The following ANKIB1 variants were observed in gnomAD, a reference collection of about 807,000 sequenced individuals.
ANKIB1 encodes ankyrin repeat and IBR domain containing 1.
In ANKIB1, 43 loss-of-function variants were observed where a neutral mutation model predicts 122.1. The observed-to-expected ratio is 0.35, with a 90% CI of 0.28 to 0.45. The LOEUF is 0.45. Ranked by LOEUF, ANKIB1 falls within the 20% of genes least tolerant of loss-of-function variation. The probability of loss-of-function intolerance (pLI) is 1.00; values close to 1 mark genes in which losing one functional copy is unlikely to be tolerated. For synonymous variants in ANKIB1, 390 were observed against 442.0 expected (o/e 0.88, Z 1.48); for missense variants, 992 against 1,329.5 (o/e 0.75, Z 3.95).
In ANKIB1 at chr7:92,284,257, G is replaced by A. The variant is rs375874783; in HGVS notation, c.-90-10632G>A. On this transcript the variant is annotated intron_variant, in intron 1 of 19. Coordinates refer to ENST00000265742, the MANE Select transcript of ANKIB1 (RefSeq NM_019004.2). ...TTAGTAATAGGATGAAGATAATGAG[G>A]CATGTACTGGGGAGTCAGGGCACAT... 2.6e-5 allele frequency among the ~76,000 whole-genome samples: 4 copies of A among 152,254 alleles called. 1 individual carries two copies. The highest frequency in any genetic ancestry group is 6.5e-5 in the Admixed American group (1 of 15,294).
intron 10 of ANKIB1, among the ~76,000 whole-genome samples, chr7:92,364,247 A>C (rs1380639438): frequency 2.3e-5 from 3 of 129,838 alleles, no homozygotes; most frequent in African/African-American, 8.6e-5. Context: ...CAGGAGGTGG[A>C]GGTTGCATTG....
At chr7:92,392,346 T>C (rs1226306132) in intron 17 of ANKIB1, 54 bp downstream of exon 17, 13 of 1,432,996 alleles carry the variant, frequency 9.1e-6, no homozygotes, top group African/African-American at 1.4e-5. Context: ...GCAGTCGTGC[T>C]TGCATTTGCA....
In ANKIB1 at chr7:92,398,172, C is replaced by G. The variant is rs1188377823; in HGVS notation, c.2533-40C>G. 5.2e-6 allele frequency: 8 copies of G among 1,523,824 alleles called. No individual in the cohort carries two copies. In the African/African-American group the frequency reaches 5.6e-5, roughly 11 times the overall value. The allele number at this position is 1,523,824 out of a possible 1,614,324, so 94.4% of individuals were successfully genotyped here. A position where few individuals can be genotyped will look rare whatever the true frequency, so the allele number is the denominator to read the frequency against. ...CTGATTGAGTTAAATCAGTTTTTTT[C>G]AGTCAAATTTTAAAGTGGTTTTGCT... On this transcript the variant is annotated intron_variant, in intron 19 of 19. Transcript: ENST00000265742.
chr7:92,318,544 T>C (rs1419156248), intron 3 of ANKIB1, among the ~76,000 whole-genome samples: 4 of 152,130 alleles, frequency 2.6e-5, no homozygotes, highest in Non-Finnish European at 5.9e-5. Flanking sequence ...ACTGTCAGGC[T>C]GTCCATTAGA....
At chr7:92,249,632 A>G (rs1182819918) in intron 1 of ANKIB1, among the ~76,000 whole-genome samples, 1 of 152,046 alleles carries the variant, frequency 6.6e-6, no homozygotes, top group Non-Finnish European at 1.5e-5. Context: ...AGGCAGGAGA[A>G]TCACTTTAAC....
chr7:92,293,736 C>G (rs1802295849), intron 1 of ANKIB1, among the ~76,000 whole-genome samples: 1 of 152,146 alleles, frequency 6.6e-6, no homozygotes, highest in African/African-American at 2.4e-5. Flanking sequence ...TCTTTTATCT[C>G]TTGTTAATCT....
At position 92,345,089 on chromosome 7, in the gene ANKIB1, A is replaced by G. The variant is rs374850781; in HGVS notation, c.1085+23A>G. On this transcript the variant is annotated intron_variant, in intron 7 of 19. Transcript: ENST00000265742. ...GTCGTGAGTATATGAGCACCTTAGC[A>G]TCTCTTACTGCATGATAGCACTCTG... is the stretch of plus-strand genomic sequence containing the variant. 9 of 1,498,206 alleles carry G rather than the reference A, an allele frequency of 6.0e-6. No individual in the cohort carries two copies. The African/African-American group carries it at 6.9e-5, about 12-fold the overall frequency. 92.8% of individuals were successfully genotyped at this position (1,498,206 alleles called of 1,614,324 possible).
At chr7:92,342,851 A>G (rs997201802) in intron 5 of ANKIB1, among the ~76,000 whole-genome samples, 173 bp from the exon 6 acceptor site, 17 of 152,246 alleles carry the variant, frequency 1.1e-4, no homozygotes, top group African/African-American at 4.1e-4. Flanking sequence ...AATTTTGTGT[A>G]AAAACGCTAA....
chr7:92,331,817 A>G (rs1562784370), intron 5 of ANKIB1, among the ~76,000 whole-genome samples: 1 of 152,216 alleles, frequency 6.6e-6, no homozygotes, highest in Admixed American at 6.5e-5. Flanking sequence ...TCTACACTAC[A>G]GCATTTTTGT....
intron 4 of ANKIB1, among the ~76,000 whole-genome samples, chr7:92,324,511 G>C (rs1031147621): frequency 6.6e-6 from 1 of 152,204 alleles, no homozygotes; most frequent in African/African-American, 2.4e-5. Context: ...TGGGATTACA[G>C]GCGTGAGCCA....
chr7:92,392,411 T>C lies in ANKIB1; in HGVS notation c.2283+119T>C. ...TATCAGCAGTGCTGTCTCTTTCTTTTGTAACAAAAATGCCTTGACAGAGCC... is the reference window on the plus strand; with the variant it reads ...TATCAGCAGTGCTGTCTCTTTCTTTCGTAACAAAAATGCCTTGACAGAGCC... On this transcript the variant is annotated intron_variant, in intron 17 of 19. Transcript: ENST00000265742. 3 of 850,930 alleles carry C rather than the reference T, an allele frequency of 3.5e-6. No homozygotes were observed. The East Asian group carries it at 8.0e-5, about 23-fold the overall frequency. The allele number at this position is 850,930 out of a possible 1,614,324, so 52.7% of individuals were successfully genotyped here.
At chr7:92,374,981 G>A (rs1334240880) in intron 11 of ANKIB1, among the ~76,000 whole-genome samples, 1 of 150,132 alleles carries the variant, frequency 6.7e-6, no homozygotes, top group Non-Finnish European at 1.5e-5. Context: ...GACCACTGCA[G>A]TGAAGCAGAT....
intron 17 of ANKIB1, among the ~76,000 whole-genome samples, chr7:92,393,813 A>G (rs1471441766): frequency 1.3e-5 from 2 of 152,188 alleles, no homozygotes; most frequent in African/African-American, 4.8e-5. Context: ...GAATTACTGC[A>G]CATTGTGAGA....
At chr7:92,374,916 T>C (rs1314714515) in intron 11 of ANKIB1, among the ~76,000 whole-genome samples, 2 of 151,532 alleles carry the variant, frequency 1.3e-5, no homozygotes, top group African/African-American at 4.9e-5. Context: ...AAAGACACAA[T>C]ATGAAGAATA....
intron 10 of ANKIB1, among the ~76,000 whole-genome samples, chr7:92,367,880 G>C (rs535144977): frequency 6.6e-6 from 1 of 152,118 alleles, no homozygotes; most frequent in Admixed American, 6.5e-5. Flanking sequence ...CTTTGACTAG[G>C]TGCAGTGGTT....
Position 92,398,997 on chromosome 7 carries a change from C to T in ANKIB1, c.*48C>T. 6.7e-7 allele frequency: 1 copy of T among 1,496,050 alleles called. No homozygotes were observed. Among genetic ancestry groups the T allele is most frequent in the Non-Finnish European group, 8.9e-7 (1 of 1,122,536 alleles). The allele number at this position is 1,496,050 out of a possible 1,614,324, so 92.7% of individuals were successfully genotyped here. On this transcript the variant is annotated 3_prime_UTR_variant, in exon 20 of 20. Transcript: ENST00000265742. ...ATGAATTACAGGTACAGATGGTATG[C>T]TAGGTGGAGTATGCTTGATAGAGAC...
At chr7:92,307,135 T>C (rs543880528) in intron 2 of ANKIB1, among the ~76,000 whole-genome samples, 18 of 152,286 alleles carry the variant, frequency 1.2e-4, no homozygotes, top group African/African-American at 4.3e-4. Flanking sequence ...TAGCAAGTAG[T>C]ATAAAGATAT....
Position 92,371,462 on chromosome 7 carries a change from T to C in ANKIB1, c.1487-15T>C. The C allele has an allele frequency of 1.3e-6, 2 of 1,596,864 alleles. No individual in the cohort carries two copies. The highest frequency in any genetic ancestry group is 1.7e-4 in the Middle Eastern group (1 of 6,030). On this transcript the variant is annotated splice_polypyrimidine_tract_variant and intron_variant, in intron 10 of 19. Transcript: ENST00000265742. ...TAAATCATTTATTTTTGTGATTGTG[T>C]TTAATATCCCAAAGTTGTGGGAGTT... is the stretch of plus-strand genomic sequence containing the variant.
intron 1 of ANKIB1, among the ~76,000 whole-genome samples, chr7:92,288,349 A>T (rs1180980828): frequency 6.6e-6 from 1 of 152,220 alleles, no homozygotes; most frequent in African/African-American, 2.4e-5. Flanking sequence ...AAAATCAATT[A>T]CAGAAGACAT....
Sources: gnomAD v4.1 joint callset for allele counts (sites outside exome capture counted in the v4.1 genomes callset) on GRCh38, gnomAD v4.1.1 for gene constraint, MANE v1.5 for transcripts, NCBI Gene and HGNC (gene_info 2026-07-23, HGNC 2026-07-21) for gene names.